Variants in SCAANT1 observed in about 807,000 individuals in gnomAD.
SCAANT1 encodes the protein SCA7/ATXN7 antisense RNA 1.
At chr3:63,911,849 C>G (rs1704025061), upstream of SCAANT1, 1 of 152,380 alleles carries the variant, frequency 6.6e-6, no homozygotes, top group Admixed American at 6.5e-5. Context: ...TCTGCGGCGG[C>G]TTCCCATTCA....
At chr3:63,911,602 T>C (rs1263493269) in exon 1 of SCAANT1, 1 of 152,092 alleles carries the variant, frequency 6.6e-6, no homozygotes, top group Non-Finnish European at 1.5e-5. Context: ...TGTACACGGG[T>C]TAAAGCTTCT....
chr3:63,911,610 T>G (rs1442218162), exon 1 of SCAANT1: 4 of 152,226 alleles, frequency 2.6e-5, no homozygotes, highest in Admixed American at 2.0e-4. Flanking sequence ...GGTTAAAGCT[T>G]CTCTCGGTTT....
At chr3:63,911,580 G>T (rs1438468482) in exon 1 of SCAANT1, 1 of 152,160 alleles carries the variant, frequency 6.6e-6, no homozygotes, top group Non-Finnish European at 1.5e-5. Context: ...TTGGGGTGGT[G>T]CCTCTAAAAT....
chr3:63,912,070 G>C (rs1704039656), upstream of SCAANT1: 1 of 152,228 alleles, frequency 6.6e-6, no homozygotes, highest in African/African-American at 2.4e-5. Flanking sequence ...GAGGCGGCGG[G>C]AGGCGTCTCC....
chr3:63,911,964 T>G (rs1015267067), upstream of SCAANT1: 1 of 152,284 alleles, frequency 6.6e-6, no homozygotes, highest in African/African-American at 2.4e-5. Context: ...CCTCCATAGG[T>G]GGCTGCATTT....
chr3:63,911,785 A>G (rs1704022004), upstream of SCAANT1: 1 of 152,194 alleles, frequency 6.6e-6, no homozygotes, highest in Non-Finnish European at 1.5e-5. Context: ...CTGGGCAGAC[A>G]CCTGGGAGGC....
chr3:63,912,349 G>A (rs1206483071), upstream of SCAANT1, among the ~76,000 whole-genome samples: 1 of 151,616 alleles, frequency 6.6e-6, no homozygotes. Context: ...CCTGCTGCCC[G>A]TCCCCTCCCT....
upstream of SCAANT1, chr3:63,912,014 A>C (rs1704035332): frequency 6.6e-6 from 1 of 152,216 alleles, no homozygotes; most frequent in Non-Finnish European, 1.5e-5. Context: ...CTTGACGTGC[A>C]AACTTCGCCG....
Sources: gnomAD v4.1 joint callset for allele counts (sites outside exome capture counted in the v4.1 genomes callset) on GRCh38, gnomAD v4.1.1 for gene constraint, MANE v1.5 for transcripts, NCBI Gene and HGNC (gene_info 2026-07-23, HGNC 2026-07-21) for gene names.